RBFOX1: variants seen among roughly 807,000 people sequenced by gnomAD.
RBFOX1 encodes RNA binding protein fox-1 homolog 1.
Under a neutral mutation model 57.7 loss-of-function variants are expected in RBFOX1, and 8 were observed. The observed-to-expected ratio is 0.14, with a 90% CI of 0.08 to 0.25. The LOEUF (loss-of-function observed/expected upper bound fraction) is 0.25, where lower values mean the gene tolerates loss of function less well. Among genes scored for constraint, RBFOX1 ranks in the 10% least tolerant of loss-of-function variants. The pLI is 1.00. For missense variants in RBFOX1, 611 were observed against 548.5 expected (o/e 1.11, Z -1.14); for synonymous variants, 326 against 222.4 (o/e 1.47, Z -4.15).
intron 3 of RBFOX1, among the ~76,000 whole-genome samples, chr16:6,840,629 C>G (rs983087606): frequency 1.3e-5 from 2 of 151,902 alleles, no homozygotes; most frequent in Non-Finnish European, 2.9e-5. Context: ...TGGCTCATAC[C>G]CATAACCCCA....
intron 1 of RBFOX1, among the ~76,000 whole-genome samples, chr16:6,109,933 G>A (rs2152571335): frequency 6.6e-6 from 1 of 152,228 alleles, no homozygotes; most frequent in East Asian, 1.9e-4. Context: ...TTGTAGCCCT[G>A]TGGTTTTACT....
chr16:5,411,364 G>C (rs189103707), intron 1 of RBFOX1, among the ~76,000 whole-genome samples: 1 of 152,280 alleles, frequency 6.6e-6, no homozygotes, highest in Non-Finnish European at 1.5e-5. Context: ...AGGATGCTGA[G>C]CTGTTGGCTG....
intron 3 of RBFOX1, among the ~76,000 whole-genome samples, chr16:6,918,692 C>T (rs1445760348): frequency 6.6e-6 from 1 of 152,142 alleles, no homozygotes; most frequent in East Asian, 1.9e-4. Context: ...CTGGTCGTTT[C>T]AGAGAAAGAA....
intron 3 of RBFOX1, among the ~76,000 whole-genome samples, chr16:6,750,877 T>G (rs1212884771): frequency 6.6e-6 from 1 of 152,172 alleles, no homozygotes; most frequent in Admixed American, 6.5e-5. Context: ...TAGTGAGTGA[T>G]GGTAGAAGAT....
At chr16:7,521,987 A>G (rs2077605200) in intron 5 of RBFOX1, among the ~76,000 whole-genome samples, 1 of 152,130 alleles carries the variant, frequency 6.6e-6, no homozygotes, top group African/African-American at 2.4e-5. Flanking sequence ...TCTTGGATTC[A>G]TCCCATATAA....
At chr16:7,327,467 A>G (rs969333456) in intron 4 of RBFOX1, among the ~76,000 whole-genome samples, 26 of 152,270 alleles carry the variant, frequency 1.7e-4, no homozygotes, top group Admixed American at 6.5e-4. Context: ...GAGTAATTAC[A>G]TAATCTGCAC....
intron 2 of RBFOX1, among the ~76,000 whole-genome samples, chr16:5,526,635 G>A (rs2044257382): frequency 6.6e-6 from 1 of 152,076 alleles, no homozygotes; most frequent in Non-Finnish European, 1.5e-5. Context: ...ATTTTCCCAA[G>A]GACACACAAG....
At chr16:6,287,625 G>A (rs2077030083) in intron 1 of RBFOX1, among the ~76,000 whole-genome samples, 1 of 152,136 alleles carries the variant, frequency 6.6e-6, no homozygotes, top group Non-Finnish European at 1.5e-5. Context: ...TGTGTAATCA[G>A]AACAGGAAAG....
intron 11 of RBFOX1, among the ~76,000 whole-genome samples, chr16:7,637,392 T>A (rs2061947588): frequency 6.6e-6 from 1 of 152,138 alleles, no homozygotes; most frequent in South Asian, 2.1e-4. Flanking sequence ...GGGCAGGTGG[T>A]AGGGGCATAG....
At chr16:7,297,003 A>G (rs1013227228) in intron 4 of RBFOX1, among the ~76,000 whole-genome samples, 2 of 152,154 alleles carry the variant, frequency 1.3e-5, no homozygotes, top group Non-Finnish European at 2.9e-5. Flanking sequence ...TGTCAGGGGA[A>G]GAGCTGGGTT....
intron 1 of RBFOX1, among the ~76,000 whole-genome samples, chr16:5,444,967 A>G (rs2068197679): frequency 6.6e-6 from 1 of 152,186 alleles, no homozygotes; most frequent in Non-Finnish European, 1.5e-5. Context: ...AGACATGGTT[A>G]GCTCTGGGGA....
In RBFOX1 at chr16:7,710,614, T is replaced by G; in HGVS notation, c.1072-9T>G. On this transcript the variant is annotated splice_polypyrimidine_tract_variant and intron_variant, in intron 15 of 15. Transcript: ENST00000550418. Reference sequence around the variant, plus strand: ...TAAAAAACACACCCCTCAAATTGCTTTGTTTCAGAATGCTTTTGCACCTTT... The same window carrying G: ...TAAAAAACACACCCCTCAAATTGCTGTGTTTCAGAATGCTTTTGCACCTTT... 1 of 1,610,886 alleles carries G rather than the reference T, an allele frequency of 6.2e-7. No individual in the cohort carries two copies. The highest frequency in any genetic ancestry group is 8.5e-7 in the Non-Finnish European group (1 of 1,179,246).
chr16:7,265,749 A>T (rs2095105436), intron 4 of RBFOX1, among the ~76,000 whole-genome samples: 1 of 151,936 alleles, frequency 6.6e-6, no homozygotes, highest in Admixed American at 6.6e-5. Flanking sequence ...ATGCCTGGCC[A>T]GGTGTCTTTT....
intron 2 of RBFOX1, among the ~76,000 whole-genome samples, chr16:6,590,847 A>C (rs1817705189): frequency 2.1e-4 from 1 of 4,660 alleles, no homozygotes; most frequent in Non-Finnish European, 0.013. Flanking sequence ...TGCGTTTGAC[A>C]TGCAAGAATT....
At chr16:6,338,884 G>A (rs1833156) in intron 2 of RBFOX1, among the ~76,000 whole-genome samples, 1 of 151,984 alleles carries the variant, frequency 6.6e-6, no homozygotes, top group Non-Finnish European at 1.5e-5. Flanking sequence ...TTTCTTCATT[G>A]AATGAATTAG....
intron 2 of RBFOX1, among the ~76,000 whole-genome samples, chr16:6,555,370 C>G (rs957698695): frequency 1.1e-4 from 17 of 152,212 alleles, no homozygotes; most frequent in African/African-American, 3.9e-4. Context: ...GGTTTGACCA[C>G]ACAGTAGTCA....
intron 3 of RBFOX1, among the ~76,000 whole-genome samples, chr16:7,025,142 C>T (rs181279858): frequency 3.3e-5 from 5 of 152,294 alleles, no homozygotes. Context: ...ATAGACAGAA[C>T]AGCCCTGAAG....
In RBFOX1 at chr16:5,991,645, G is replaced by GT. The variant is rs60004233; in HGVS notation, c.351+124331dup. On this transcript the variant is annotated intron_variant, in intron 4 of 19. Transcript: ENST00000641259. ...ATTTGGTTTGGGAAATTATTAGATA[G>GT]TTTTTTTTTTTTTTTTTTTTTCTTT... 1.7e-3 allele frequency among the ~76,000 whole-genome samples: 212 copies of GT among 123,936 alleles called. 2 individuals carry two copies. Among genetic ancestry groups the GT allele is most frequent in the Non-Finnish European group, 2.1e-3 (122 of 56,990 alleles). The allele number at this position is 123,936 out of a possible 152,430, so 81.3% of individuals were successfully genotyped here.
intron 3 of RBFOX1, among the ~76,000 whole-genome samples, chr16:6,941,836 C>G (rs1414086650): frequency 6.6e-6 from 1 of 151,852 alleles, no homozygotes; most frequent in East Asian, 1.9e-4. Context: ...TTTTTTTTCC[C>G]CCTAACTCTT....
Sources: gnomAD v4.1 joint callset for allele counts (sites outside exome capture counted in the v4.1 genomes callset) on GRCh38, gnomAD v4.1.1 for gene constraint, MANE v1.5 for transcripts, NCBI Gene and HGNC (gene_info 2026-07-23, HGNC 2026-07-21) for gene names.